CCSER1: variants seen among roughly 807,000 people sequenced by gnomAD.
CCSER1 encodes the protein serine-rich coiled-coil domain-containing protein 1.
Under a neutral mutation model 82.0 loss-of-function variants are expected in CCSER1, and 41 were observed. The observed-to-expected ratio is 0.50, with a 90% CI of 0.39 to 0.65. The LOEUF (loss-of-function observed/expected upper bound fraction) is 0.65, where lower values mean the gene tolerates loss of function less well. Ranked by LOEUF, CCSER1 falls within the 30% of genes least tolerant of loss-of-function variation. The pLI is 0.00. For synonymous variants in CCSER1, 414 were observed against 383.9 expected (o/e 1.08, Z -0.92); for missense variants, 1,119 against 1,064.2 (o/e 1.05, Z -0.72).
At chr4:91,172,575 G>C (rs770452720) in intron 10 of CCSER1, among the ~76,000 whole-genome samples, 2 of 152,106 alleles carry the variant, frequency 1.3e-5, no homozygotes, top group Non-Finnish European at 2.9e-5. Flanking sequence ...CTCACATGCC[G>C]GGTGCTTTGC....
At chr4:90,188,136 C>A (rs1734952782) in intron 1 of CCSER1, among the ~76,000 whole-genome samples, 1 of 151,882 alleles carries the variant, frequency 6.6e-6, no homozygotes, top group Admixed American at 6.6e-5. Flanking sequence ...ATTCTTCCCA[C>A]TTTCCACTCT....
intron 10 of CCSER1, among the ~76,000 whole-genome samples, chr4:91,312,104 T>A (rs1745522238): frequency 6.6e-6 from 1 of 151,904 alleles, no homozygotes; most frequent in Non-Finnish European, 1.5e-5. Context: ...AGGTTCAGTT[T>A]ATAACAAGTA....
At chr4:90,863,567 A>C (rs922345900) in intron 8 of CCSER1, among the ~76,000 whole-genome samples, 1 of 151,886 alleles carries the variant, frequency 6.6e-6, no homozygotes, top group African/African-American at 2.4e-5. Flanking sequence ...TACAGCAAAC[A>C]AAGCTCTTTA....
At chr4:90,743,714 A>G (rs1399420) in intron 7 of CCSER1, among the ~76,000 whole-genome samples, 9,099 of 152,234 alleles carry the variant, frequency 0.06, 305 homozygotes, top group East Asian at 0.16. Context: ...AGGGGAATTA[A>G]GTTCACTTTT....
At chr4:91,265,961 T>C (rs773071731) in intron 10 of CCSER1, among the ~76,000 whole-genome samples, 1 of 152,080 alleles carries the variant, frequency 6.6e-6, no homozygotes, top group Non-Finnish European at 1.5e-5. Context: ...ACTTCTTACA[T>C]GGCAGCAGCA....
At chr4:90,759,612 G>T (rs1035012008) in intron 7 of CCSER1, among the ~76,000 whole-genome samples, 11 of 152,112 alleles carry the variant, frequency 7.2e-5, no homozygotes, top group African/African-American at 2.7e-4. Flanking sequence ...CTCTGAACTT[G>T]GAGTTGGGAA....
intron 10 of CCSER1, among the ~76,000 whole-genome samples, chr4:91,453,352 A>C (rs1755971834): frequency 6.6e-6 from 1 of 151,920 alleles, no homozygotes; most frequent in East Asian, 1.9e-4. Context: ...GTTTTGCCCC[A>C]TTGTATTTTG....
intron 3 of CCSER1, among the ~76,000 whole-genome samples, chr4:90,324,664 C>T (rs561153780): frequency 6.6e-6 from 1 of 151,362 alleles, no homozygotes; most frequent in Non-Finnish European, 1.5e-5. Context: ...TGCAGAAGCT[C>T]TTTAGTTTAA....
intron 10 of CCSER1, among the ~76,000 whole-genome samples, chr4:91,248,049 G>C (rs545876868): frequency 7.9e-5 from 12 of 152,142 alleles, no homozygotes; most frequent in South Asian, 2.1e-4. Flanking sequence ...AAAAAGAAAA[G>C]AAAACAAAAC....
At chr4:90,190,391 T>C (rs986215152) in intron 1 of CCSER1, among the ~76,000 whole-genome samples, 2 of 152,066 alleles carry the variant, frequency 1.3e-5, no homozygotes, top group Non-Finnish European at 2.9e-5. Context: ...GCTGGTAAAA[T>C]TATCCACAAA....
intron 1 of CCSER1, among the ~76,000 whole-genome samples, chr4:90,217,636 T>C (rs1315687141): frequency 6.6e-6 from 1 of 152,162 alleles, no homozygotes; most frequent in Non-Finnish European, 1.5e-5. Context: ...CTATGTTGAA[T>C]AGGAGTGGTG....
At chr4:90,391,108 C>CAAAA (rs1326557051) in intron 3 of CCSER1, among the ~76,000 whole-genome samples, 1 of 51,888 alleles carries the variant, frequency 1.9e-5, no homozygotes, top group Non-Finnish European at 4.1e-5. Flanking sequence ...ACTAAAAATA[C>CAAAA]AAAAAAAAAA....
At chr4:90,954,318 TTATTA>T (rs1733212286) in intron 9 of CCSER1, among the ~76,000 whole-genome samples, 1 of 152,032 alleles carries the variant, frequency 6.6e-6, no homozygotes, top group African/African-American at 2.4e-5. Flanking sequence ...AAAACATATT[TTATTA>T]TAACATGAAC....
At chr4:90,323,180 G>A (rs944051282) in intron 3 of CCSER1, among the ~76,000 whole-genome samples, 1 of 152,126 alleles carries the variant, frequency 6.6e-6, no homozygotes, top group Non-Finnish European at 1.5e-5. Context: ...TCCTCAAGCA[G>A]GAGTCTCTCC....
intron 10 of CCSER1, among the ~76,000 whole-genome samples, chr4:91,471,951 C>A (rs1193610842): frequency 8.8e-6 from 1 of 113,828 alleles, no homozygotes; most frequent in African/African-American, 3.5e-5. Flanking sequence ...GTCTGGGCGA[C>A]AGAGCGACAC....
chr4:90,924,588 A>G (rs981158632), intron 9 of CCSER1, among the ~76,000 whole-genome samples: 50 of 152,224 alleles, frequency 3.3e-4, no homozygotes, highest in African/African-American at 1.1e-3. Context: ...GTTGTATGTT[A>G]CTTAAATTAT....
chr4:90,404,081 C>T (rs546637811), intron 4 of CCSER1: 2 of 152,278 alleles, frequency 1.3e-5, no homozygotes, highest in African/African-American at 4.8e-5. Flanking sequence ...CAGTTCTGGT[C>T]ACTGGCTGCT....
At chr4:91,106,426 C>T (rs1242165036) in intron 10 of CCSER1, among the ~76,000 whole-genome samples, 3 of 152,146 alleles carry the variant, frequency 2.0e-5, no homozygotes, top group African/African-American at 7.2e-5. Flanking sequence ...AGACATACCA[C>T]AACTGAATAA....
intron 1 of CCSER1, among the ~76,000 whole-genome samples, chr4:90,270,883 AT>A (rs1560916382): frequency 1.3e-5 from 2 of 152,250 alleles, no homozygotes; most frequent in South Asian, 4.1e-4. Context: ...AAGTAATTGC[AT>A]TTATAATAGC....
Sources: allele counts gnomAD v4.1 joint callset (sites outside exome capture counted in the v4.1 genomes callset), GRCh38; gene constraint gnomAD v4.1.1; transcripts MANE v1.5; gene names NCBI Gene and HGNC (gene_info 2026-07-23, HGNC 2026-07-21).